USP37: variants seen among roughly 807,000 people sequenced by gnomAD.
The protein encoded by USP37 is ubiquitin carboxyl-terminal hydrolase 37.
Under a neutral mutation model 124.0 loss-of-function variants are expected in USP37, and 27 were observed. The ratio of observed to expected loss-of-function variants is 0.22; its 90% CI spans 0.16 to 0.30. The LOEUF (loss-of-function observed/expected upper bound fraction) is 0.30. USP37 is among the 10% of genes least tolerant of loss of function. The probability of loss-of-function intolerance (pLI) is 1.00; values close to 1 mark genes in which losing one functional copy is unlikely to be tolerated. For synonymous variants in USP37, 365 were observed against 388.0 expected (o/e 0.94, Z 0.70); for missense variants, 889 against 1,140.4 (o/e 0.78, Z 3.17).
intron 19 of USP37, 52 bp downstream of exon 19, chr2:218,476,788 C>A: frequency 1.9e-6 from 3 of 1,538,816 alleles, no homozygotes; most frequent in Non-Finnish European, 2.6e-6. Flanking sequence ...TTTGTTTGGA[C>A]AGTAAGAGAT....
At chr2:218,470,765 T>G (rs1690638843) in intron 20 of USP37, among the ~76,000 whole-genome samples, 1 of 152,222 alleles carries the variant, frequency 6.6e-6, no homozygotes, top group Admixed American at 6.5e-5. Context: ...AACCTTACTT[T>G]GCCTTCCTGC....
chr2:218,466,246 C>T (rs1690311825), intron 20 of USP37, 70 bp from the exon 21 acceptor site: 1 of 1,478,896 alleles, frequency 6.8e-7, no homozygotes, highest in South Asian at 1.3e-5. Context: ...TAGAGTGACA[C>T]CTACTGTTCA....
chr2:218,457,547 G>C (rs1247795280), intron 23 of USP37, among the ~76,000 whole-genome samples: 1 of 152,114 alleles, frequency 6.6e-6, no homozygotes, highest in Non-Finnish European at 1.5e-5. Context: ...AATGCACATA[G>C]TAACTATAAC....
intron 5 of USP37, among the ~76,000 whole-genome samples, chr2:218,550,927 ACTGT>A (rs1303359404): frequency 6.6e-6 from 1 of 152,048 alleles, no homozygotes; most frequent in African/African-American, 2.4e-5. Context: ...TGCCAGATAG[ACTGT>A]CTAATTTTTT....
intron 24 of USP37, 68 bp from the exon 25 acceptor site, chr2:218,455,786 G>C: frequency 6.6e-7 from 1 of 1,524,524 alleles, no homozygotes; most frequent in South Asian, 1.2e-5. Flanking sequence ...GATGGCTCAC[G>C]CCTGTAATCT....
At chr2:218,497,518 C>T (rs759254020) in intron 13 of USP37, among the ~76,000 whole-genome samples, 1 of 151,358 alleles carries the variant, frequency 6.6e-6, no homozygotes, top group Non-Finnish European at 1.5e-5. Flanking sequence ...CTCAGGCTCC[C>T]GAGAAGCTGG....
Position 218,454,882 on chromosome 2 carries a change from A to C in USP37, c.*48T>G. On this transcript the variant is annotated 3_prime_UTR_variant, in exon 26 of 26. Transcript: ENST00000258399. ...TCAGCAGAGGAAAGGTGAGGTGGGCAGCAGTAACAAATATGCAGTGCATGC... is the reference window on the plus strand; with the variant it reads ...TCAGCAGAGGAAAGGTGAGGTGGGCCGCAGTAACAAATATGCAGTGCATGC... 2 of 1,598,580 alleles carry C rather than the reference A, an allele frequency of 1.3e-6. No homozygotes were observed. The highest frequency in any genetic ancestry group is 1.7e-6 in the Non-Finnish European group (2 of 1,173,398).
intron 10 of USP37, among the ~76,000 whole-genome samples, chr2:218,516,555 G>A (rs1690294864): frequency 6.6e-6 from 1 of 152,100 alleles, no homozygotes; most frequent in Non-Finnish European, 1.5e-5. Context: ...TGGGGGGCAA[G>A]GGGAGGGAGA....
rs148490140 is a variant in USP37, at chr2:218,501,639, G to A, written c.1026-3482C>T. 1.4e-3 allele frequency among the ~76,000 whole-genome samples: 219 copies of A among 152,318 alleles called. 1 individual carries two copies. Among genetic ancestry groups the A allele is most frequent in the Non-Finnish European group, 2.7e-3 (185 of 68,026 alleles). On this transcript the variant is annotated intron_variant, in intron 11 of 25. Transcript: ENST00000258399. ...GATTTTCTGTCTGGAGGCAATTTGT[G>A]AACTGCAATTCAGGGAGCACCCAAA...
rs1199434369 is a variant in USP37 at position 218,549,795 on chromosome 2, T to C, written c.429+14A>G. 2 of 1,607,154 alleles carry C rather than the reference T, an allele frequency of 1.2e-6. No individual in the cohort carries two copies. The highest frequency in any genetic ancestry group is 1.7e-4 in the Middle Eastern group (1 of 6,024). ...CATTTTTTTTAAATGCTAAAAAGAT[T>C]CAAATGAACATACCTGATTGTCTGA... On this transcript the variant is annotated intron_variant, in intron 6 of 25. Coordinates refer to ENST00000258399, the MANE Select transcript of USP37 (RefSeq NM_020935.3).
chr2:218,525,523 C>A (rs1470663117), intron 10 of USP37, among the ~76,000 whole-genome samples: 1 of 152,134 alleles, frequency 6.6e-6, no homozygotes, highest in Non-Finnish European at 1.5e-5. Context: ...TGTCTATATT[C>A]TTGAAATATA....
intron 19 of USP37, 54 bp from the exon 20 acceptor site, chr2:218,474,939 T>A: frequency 6.5e-7 from 1 of 1,527,580 alleles, no homozygotes; most frequent in South Asian, 1.3e-5. Context: ...AATATAGCAA[T>A]CTTAATTAGT....
chr2:218,482,546 A>C (rs1691319027), intron 16 of USP37, among the ~76,000 whole-genome samples: 1 of 152,208 alleles, frequency 6.6e-6, no homozygotes, highest in Non-Finnish European at 1.5e-5. Context: ...TTAAATCCTT[A>C]AATTATTTAC....
intron 10 of USP37, among the ~76,000 whole-genome samples, chr2:218,526,745 T>C (rs1690986886): frequency 6.7e-6 from 1 of 149,696 alleles, no homozygotes; most frequent in Non-Finnish European, 1.5e-5. Flanking sequence ...ACATGGAGGG[T>C]ACACCAAGAA....
chr2:218,506,725 T>G (rs1689702088), intron 11 of USP37, among the ~76,000 whole-genome samples: 1 of 152,060 alleles, frequency 6.6e-6, no homozygotes, highest in Non-Finnish European at 1.5e-5. Flanking sequence ...TGTCTTTTCT[T>G]CTCCATCTTT....
At chr2:218,522,293 T>C (rs1322834272) in intron 10 of USP37, among the ~76,000 whole-genome samples, 1 of 152,054 alleles carries the variant, frequency 6.6e-6, no homozygotes, top group Non-Finnish European at 1.5e-5. Context: ...CTGAGCACAC[T>C]GGCTCATGCC....
intron 23 of USP37, among the ~76,000 whole-genome samples, chr2:218,458,253 TA>T (rs33911503): frequency 0.052 from 3,699 of 70,930 alleles, 67 homozygotes; most frequent in East Asian, 0.12. Context: ...AGACCTTGCC[TA>T]AAAAAAAAAA....
At chr2:218,463,623 C>T (rs1690150632) in intron 21 of USP37, among the ~76,000 whole-genome samples, 1 of 149,482 alleles carries the variant, frequency 6.7e-6, no homozygotes, top group Non-Finnish European at 1.5e-5. Context: ...GCAAGCTCCG[C>T]CTCCTGGGTT....
intron 9 of USP37, among the ~76,000 whole-genome samples, 162 bp downstream of exon 9, chr2:218,534,447 C>T (rs191920060): frequency 6.6e-6 from 1 of 152,180 alleles, no homozygotes; most frequent in East Asian, 1.9e-4. Flanking sequence ...CGATATTGTG[C>T]CACTGCACTC....
Sources: gnomAD v4.1 joint callset for allele counts (sites outside exome capture counted in the v4.1 genomes callset) on GRCh38, gnomAD v4.1.1 for gene constraint, MANE v1.5 for transcripts, NCBI Gene and HGNC (gene_info 2026-07-23, HGNC 2026-07-21) for gene names.